The following ARID1B variants were observed in gnomAD, a reference collection of about 807,000 sequenced individuals.
ARID1B encodes the protein AT-rich interactive domain-containing protein 1B.
ARID1B carries 30 observed loss-of-function variants against 212.3 expected under a neutral mutation model. The ratio of observed to expected loss-of-function variants is 0.14; its 90% CI spans 0.11 to 0.19. ARID1B has a LOEUF of 0.19. Among genes scored for constraint, ARID1B ranks in the 10% least tolerant of loss-of-function variants. ARID1B has a pLI of 1.00. For synonymous variants in ARID1B, 1,402 were observed against 1,301.7 expected (o/e 1.08, Z -1.66); for missense variants, 2,891 against 3,204.0 (o/e 0.90, Z 2.36).
At chr6:157,058,171 C>T (rs139192611) in intron 4 of ARID1B, among the ~76,000 whole-genome samples, 3 of 152,266 alleles carry the variant, frequency 2.0e-5, no homozygotes, top group East Asian at 1.9e-4. Context: ...AGTAGGGCCA[C>T]GAAGTTCAGA....
At chr6:156,878,829 G>C (rs1042867428) in intron 2 of ARID1B, among the ~76,000 whole-genome samples, 3 of 152,222 alleles carry the variant, frequency 2.0e-5, no homozygotes, top group Non-Finnish European at 4.4e-5. Context: ...GCTTGCTTTA[G>C]GAAGTGTTTG....
Position 156,816,468 on chromosome 6 carries a change from T to C in ARID1B, c.1792-12759T>C, listed in dbSNP as rs537135624. 1.5e-3 allele frequency among the ~76,000 whole-genome samples: 224 copies of C among 152,168 alleles called. 2 individuals carry two copies. The highest frequency in any genetic ancestry group is 4.7e-3 in the African/African-American group (196 of 41,514). On this transcript the variant is annotated intron_variant, in intron 1 of 19. Coordinates refer to ENST00000636930, the MANE Select transcript of ARID1B (RefSeq NM_001374828.1). ...GTTGGGGCTATAAGGAAAATTAGGGTGAGGAAAAAACATATCTGGCCTTAA... is the reference window on the plus strand; with the variant it reads ...GTTGGGGCTATAAGGAAAATTAGGGCGAGGAAAAAACATATCTGGCCTTAA...
At chr6:157,097,936 T>C (rs1352230230) in intron 5 of ARID1B, among the ~76,000 whole-genome samples, 1 of 152,202 alleles carries the variant, frequency 6.6e-6, no homozygotes, top group African/African-American at 2.4e-5. Flanking sequence ...TATACAAAAT[T>C]GCAAGGTTGT....
chr6:157,002,288 C>A (rs1466817798), intron 4 of ARID1B, among the ~76,000 whole-genome samples: 1 of 152,150 alleles, frequency 6.6e-6, no homozygotes, highest in Non-Finnish European at 1.5e-5. Flanking sequence ...CTCTATACCT[C>A]CAATTTTGAA....
intron 4 of ARID1B, among the ~76,000 whole-genome samples, chr6:156,989,093 T>C (rs1336590449): frequency 6.6e-6 from 1 of 152,232 alleles, no homozygotes; most frequent in Non-Finnish European, 1.5e-5. Context: ...TGTTGTGATC[T>C]CCTACTCCCA....
chr6:157,083,614 T>C (rs1191234996), intron 4 of ARID1B, among the ~76,000 whole-genome samples: 1 of 152,204 alleles, frequency 6.6e-6, no homozygotes, highest in Non-Finnish European at 1.5e-5. Context: ...TAACTTGGAC[T>C]CTCTGAGCTT....
At position 157,206,194 on chromosome 6, in the gene ARID1B, G is replaced by A. The variant is rs1554237014; in HGVS notation, c.5422G>A (p.Glu1808Lys). Residue 1808 changes from glutamate (E) to lysine (K), a missense_variant, in exon 20 of 20, where the codon GAG becomes AAG. This residue lies in a region of ARID1B where 332 missense variants were observed against 369.2 expected (regional missense o/e 0.90). Coordinates refer to ENST00000636930, the MANE Select transcript of ARID1B (RefSeq NM_001374828.1). This position sits in a 1 kb window ranked among gnomAD's most constrained non-coding sequence, Gnocchi z 6.8. ...GTCTGGATTTCTCGAACTTTTAGTC[G>A]AGTACTTTAGAAAATGCCTGATTGA... ...QLSGFLELLV[E>K]YFRKCLIDIF... 3.7e-6 allele frequency: 6 copies of A among 1,614,010 alleles called. No homozygotes were observed. The highest frequency in any genetic ancestry group is 5.1e-6 in the Non-Finnish European group (6 of 1,179,998).
At chr6:156,795,165 G>C in intron 1 of ARID1B, among the ~76,000 whole-genome samples, 1 of 151,178 alleles carries the variant, frequency 6.6e-6, no homozygotes, top group East Asian at 1.9e-4. Context: ...GCTGGTTCAG[G>C]AGGCGGAGGC....
chr6:157,060,656 T>TTTTA (rs398003170), intron 4 of ARID1B, among the ~76,000 whole-genome samples: 4 of 136,632 alleles, frequency 2.9e-5, no homozygotes, highest in African/African-American at 1.1e-4. Flanking sequence ...TTTTTTTTTT[T>TTTTA]ACTATTCTTT....
In ARID1B at chr6:156,777,558, G is replaced by C. The variant is rs955976968; in HGVS notation, c.-123G>C. 1 of 151,706 alleles carries C rather than the reference G, an allele frequency of 6.6e-6. No homozygotes were observed. Among genetic ancestry groups the C allele is most frequent in the African/African-American group, 2.4e-5 (1 of 41,374 alleles). The allele number at this position is 151,706 out of a possible 1,614,324, so 9.4% of individuals were successfully genotyped here. On this transcript the variant is annotated 5_prime_UTR_variant, in exon 1 of 20. Coordinates refer to ENST00000636930, the MANE Select transcript of ARID1B (RefSeq NM_001374828.1). The stretch of plus-strand genomic sequence containing the variant: ...CCGGCGCTCCGGCGGGGCCTGCGGA[G>C]GGGGAGGGGGTCGCGGCTTCCCGGC...
chr6:157,168,213 T>G (rs1326764521), intron 9 of ARID1B: 1 of 152,254 alleles, frequency 6.6e-6, no homozygotes. Context: ...TGTCTGAGCT[T>G]CTGCGTCGTT....
At chr6:156,920,690 T>C (rs942818960) in intron 3 of ARID1B, among the ~76,000 whole-genome samples, 1 of 152,160 alleles carries the variant, frequency 6.6e-6, no homozygotes, top group South Asian at 2.1e-4. Flanking sequence ...AGGTCACTGA[T>C]TGATTTTCCC....
At chr6:157,010,297 TTTTTTTTG>T (rs1255859015) in intron 4 of ARID1B, among the ~76,000 whole-genome samples, 12 of 146,796 alleles carry the variant, frequency 8.2e-5, no homozygotes, top group Non-Finnish European at 1.7e-4. Context: ...TTTTTTTTTT[TTTTTTTTG>T]TTGTTGTTGT....
chr6:156,811,933 T>G (rs1781579285), intron 1 of ARID1B, among the ~76,000 whole-genome samples: 1 of 152,218 alleles, frequency 6.6e-6, no homozygotes, highest in Non-Finnish European at 1.5e-5. Flanking sequence ...TATTATAATA[T>G]GACCTTGGGC....
chr6:157,123,210 ATCTT>A (rs1787872703), intron 6 of ARID1B, among the ~76,000 whole-genome samples: 1 of 143,632 alleles, frequency 7.0e-6, no homozygotes, highest in Non-Finnish European at 1.5e-5. Context: ...CTCTCTCTCA[ATCTT>A]TCTTTCTCTC....
rs116538456 is a variant in ARID1B at position 156,927,647 on chromosome 6, G to A, written c.2137-7819G>A. Among the ~76,000 whole-genome samples, 1,060 of 152,298 alleles carry A rather than the reference G, an allele frequency of 7.0e-3. 9 individuals are homozygous for A. Among genetic ancestry groups the A allele is most frequent in the African/African-American group, 0.024 (980 of 41,546 alleles). On this transcript the variant is annotated intron_variant, in intron 3 of 19. Transcript: ENST00000636930. ...AACAAACAGCAAAATGTGTTCTGTAGCACATTTACCAGGCAGAGTAGCTGC... is the reference window on the plus strand; with the variant it reads ...AACAAACAGCAAAATGTGTTCTGTAACACATTTACCAGGCAGAGTAGCTGC...
intron 2 of ARID1B, among the ~76,000 whole-genome samples, chr6:156,898,874 G>T (rs1366818428): frequency 6.6e-6 from 1 of 152,138 alleles, no homozygotes; most frequent in Non-Finnish European, 1.5e-5. Context: ...GGGAGGCTGA[G>T]GCAGGAGAAT....
rs1283306224 is a variant in ARID1B at position 156,778,200 on chromosome 6, C to G, written c.520C>G (p.His174Asp). The change falls in exon 1 of 20, where the codon CAC becomes GAC. Residue 174 changes from histidine (H) to aspartate (D), a missense_variant. Physicochemically the swap from His to Asp is moderately conservative, Grantham distance 81. This residue lies in a region of ARID1B where 1,643 missense variants were observed against 1,544.0 expected (regional missense o/e 1.06). Transcript: ENST00000636930. ...GCAGCACCACCACCACCACCATGCCCACCACCACCACCACCATGCCCACCA... is the reference window on the plus strand; with the variant it reads ...GCAGCACCACCACCACCACCATGCCGACCACCACCACCACCATGCCCACCA... ...HQQHHHHHHA[H>D]HHHHHAHHLH... is the part of the protein sequence containing the mutation. The G allele has an allele frequency of 6.6e-7, 1 of 1,517,608 alleles. No individual in the cohort carries two copies. Among genetic ancestry groups the G allele is most frequent in the African/African-American group, 1.4e-5 (1 of 71,736 alleles). 94.0% of individuals were successfully genotyped at this position (1,517,608 alleles called of 1,614,324 possible).
chr6:156,877,184 A>T (rs1786631226), intron 2 of ARID1B, among the ~76,000 whole-genome samples: 1 of 152,210 alleles, frequency 6.6e-6, no homozygotes, highest in Non-Finnish European at 1.5e-5. Context: ...AAAATCTGAT[A>T]TGTTATTCTC....
Sources: allele counts gnomAD v4.1 joint callset (sites outside exome capture counted in the v4.1 genomes callset), GRCh38; gene constraint gnomAD v4.1.1; regional missense constraint gnomAD v4.1.1; non-coding constraint Gnocchi (gnomAD v3.1); transcripts MANE v1.5; gene names NCBI Gene and HGNC (gene_info 2026-07-23, HGNC 2026-07-21).